The following ERICH1 variants were observed in gnomAD, a reference collection of about 807,000 sequenced individuals.
The protein encoded by ERICH1 is glutamate rich 1.
In ERICH1, 56 loss-of-function variants were observed where a neutral mutation model predicts 39.6. The ratio of observed to expected loss-of-function variants is 1.41; its 90% CI spans 1.14 to 1.77. The LOEUF is 1.77. Among genes scored for constraint, ERICH1 ranks in the 40% most tolerant of loss-of-function variants. ERICH1 has a pLI of 0.00. For missense variants in ERICH1, 826 were observed against 575.4 expected (o/e 1.44, Z -4.45); for synonymous variants, 313 against 223.6 (o/e 1.40, Z -3.57).
rs762668349 is a variant in ERICH1 at position 629,018 on chromosome 8, G to C, written c.977-13734C>G. Among the ~76,000 whole-genome samples, 188 of 152,154 alleles carry C rather than the reference G, an allele frequency of 1.2e-3. 6 individuals are homozygous for C. The highest frequency in any genetic ancestry group is 1.1e-3 in the Non-Finnish European group (74 of 68,030). On this transcript the variant is annotated intron_variant, in intron 3 of 3. Coordinates refer to the ERICH1 transcript ENST00000522706. ...ATCCATCAGCATCCTTTGTTCAGAA[G>C]GGCTCTCGGGGCCATGCAAACCCAG...
downstream of ERICH1, among the ~76,000 whole-genome samples, chr8:662,017 G>A (rs897242241): frequency 6.6e-6 from 1 of 151,380 alleles, no homozygotes; most frequent in Non-Finnish European, 1.5e-5. Flanking sequence ...TGCAATGGCA[G>A]GTATTCTGTG....
chr8:678,178 T>C (rs549089946), intron 3 of ERICH1, among the ~76,000 whole-genome samples: 1 of 152,302 alleles, frequency 6.6e-6, no homozygotes, highest in East Asian at 1.9e-4. Context: ...TGGACATCCT[T>C]TTCTCAGGAT....
intron 3 of ERICH1, among the ~76,000 whole-genome samples, chr8:639,127 A>G (rs1020639621): frequency 6.6e-6 from 1 of 151,986 alleles, no homozygotes; most frequent in African/African-American, 2.4e-5. Flanking sequence ...GCTTTTCCCC[A>G]TCTGGGGAAG....
chr8:702,981 C>T (rs1004237621), intron 2 of ERICH1, among the ~76,000 whole-genome samples: 1 of 152,216 alleles, frequency 6.6e-6, no homozygotes. Flanking sequence ...GCCGGAGGCC[C>T]AGAACTGCCC....
chr8:728,276 G>C (rs1465524511), intron 1 of ERICH1, among the ~76,000 whole-genome samples: 2 of 152,344 alleles, frequency 1.3e-5, no homozygotes, highest in East Asian at 1.9e-4. Flanking sequence ...CAGGAAGGAA[G>C]CAAGGAGCAA....
chr8:663,502 G>A (rs1176373328), downstream of ERICH1, among the ~76,000 whole-genome samples: 1 of 137,834 alleles, frequency 7.3e-6, no homozygotes, highest in Non-Finnish European at 1.5e-5. Context: ...ACAGCGTCTG[G>A]GACACGGATG....
intron 1 of ERICH1, among the ~76,000 whole-genome samples, chr8:726,257 G>T (rs1457255471): frequency 6.6e-6 from 1 of 152,176 alleles, no homozygotes; most frequent in Non-Finnish European, 1.5e-5. Context: ...GGTACAGCTG[G>T]GAGATGCACA....
chr8:722,581 T>C (rs963609314), intron 1 of ERICH1, among the ~76,000 whole-genome samples: 4 of 152,234 alleles, frequency 2.6e-5, no homozygotes, highest in African/African-American at 9.6e-5. Flanking sequence ...AGTGAACCTA[T>C]TCAATTCTAA....
chr8:615,207 T>C lies in ERICH1; in HGVS notation c.*16A>G, dbSNP rs932673002. The C allele has an allele frequency of 1.6e-5, 11 of 676,590 alleles. No individual in the cohort carries two copies. In the East Asian group the frequency reaches 2.2e-4, roughly 13 times the overall value. 41.9% of individuals were successfully genotyped at this position (676,590 alleles called of 1,614,324 possible). On this transcript the variant is annotated 3_prime_UTR_variant, in exon 4 of 4. Transcript: ENST00000522706. The stretch of plus-strand genomic sequence containing the variant: ...TCCTCTTGACCTGGAATTGTCCAAG[T>C]CAGCACCACAGCTGGTTAAGGCAGC...
rs527911711 is a variant in ERICH1, at chr8:716,304, T to C, written c.23-297A>G. On this transcript the variant is annotated intron_variant, in intron 1 of 5. Coordinates refer to ENST00000262109, the MANE Select transcript of ERICH1 (RefSeq NM_207332.3). ...GTGCACTGCTGGCAGGTGCTGCCTC[T>C]GGCTGCAGGTCCCTCGGTTCCTCCC... Among the ~76,000 whole-genome samples the C allele has an allele frequency of 2.2e-3, 328 of 152,358 alleles. 2 individuals are homozygous for C. Among genetic ancestry groups the C allele is most frequent in the African/African-American group, 7.6e-3 (318 of 41,600 alleles).
At chr8:724,403 G>A (rs771770447) in intron 1 of ERICH1, among the ~76,000 whole-genome samples, 1 of 152,148 alleles carries the variant, frequency 6.6e-6, no homozygotes, top group Non-Finnish European at 1.5e-5. Flanking sequence ...GTCGTATCAC[G>A]AAGCGTTCAC....
intron 2 of ERICH1, among the ~76,000 whole-genome samples, chr8:702,814 G>A (rs945099287): frequency 2.0e-5 from 3 of 152,248 alleles, no homozygotes; most frequent in African/African-American, 4.8e-5. Flanking sequence ...GGGGCAGGGC[G>A]GAAGCCAGAA....
At chr8:669,120 C>T (rs1380141634) in intron 4 of ERICH1, 2 of 218,462 alleles carry the variant, frequency 9.2e-6, no homozygotes, top group East Asian at 9.9e-5. Context: ...CCCGTCTACA[C>T]GTCTGTCTGG....
chr8:662,909 C>T (rs1801645545), downstream of ERICH1, among the ~76,000 whole-genome samples: 1 of 152,134 alleles, frequency 6.6e-6, no homozygotes, highest in South Asian at 2.1e-4. Flanking sequence ...ACAACCACAG[C>T]TCCCCTGATG....
At chr8:693,595 C>G (rs116441380) in intron 2 of ERICH1, among the ~76,000 whole-genome samples, 1 of 151,902 alleles carries the variant, frequency 6.6e-6, no homozygotes, top group East Asian at 1.9e-4. Context: ...CTGTGTGCCC[C>G]TCTGCATACG....
chr8:688,375 G>A (rs1263163483), intron 3 of ERICH1, among the ~76,000 whole-genome samples: 1 of 56,444 alleles, frequency 1.8e-5, no homozygotes, highest in Non-Finnish European at 3.9e-5. Context: ...CCGCCCCCCG[G>A]TCCCTCCGCA....
intron 3 of ERICH1, among the ~76,000 whole-genome samples, chr8:682,109 G>A (rs113608171): frequency 0.022 from 3,268 of 149,906 alleles, 129 homozygotes; most frequent in African/African-American, 0.075. Flanking sequence ...CTCTGCCCCC[G>A]TGTAAAACCC....
intron 3 of ERICH1, chr8:615,539 T>G (rs1359973227): frequency 2.4e-6 from 1 of 408,206 alleles, no homozygotes; most frequent in African/African-American, 2.1e-5. Context: ...AATGGCAGTG[T>G]TGATTACGGA....
intron 3 of ERICH1, among the ~76,000 whole-genome samples, chr8:676,861 C>A (rs893548137): frequency 2.0e-5 from 3 of 152,194 alleles, no homozygotes; most frequent in Admixed American, 1.3e-4. Flanking sequence ...AGCTGTGCAC[C>A]CCATCACAGA....
Sources: allele counts gnomAD v4.1 joint callset (sites outside exome capture counted in the v4.1 genomes callset), GRCh38; gene constraint gnomAD v4.1.1; transcripts MANE v1.5; gene names NCBI Gene and HGNC (gene_info 2026-07-23, HGNC 2026-07-21).